MTTP: variants seen among roughly 807,000 people sequenced by gnomAD.
MTTP encodes microsomal triglyceride transfer protein large subunit.
A neutral mutation model predicts 90.6 loss-of-function variants in MTTP; 49 were observed. The ratio of observed to expected loss-of-function variants is 0.54; its 90% CI spans 0.43 to 0.69. The LOEUF (loss-of-function observed/expected upper bound fraction) is 0.69, where lower values mean the gene tolerates loss of function less well. Among genes scored for constraint, MTTP ranks in the 30% least tolerant of loss-of-function variants. The pLI is 0.00. For missense variants in MTTP, 945 were observed against 1,067.5 expected (o/e 0.89, Z 1.60); for synonymous variants, 347 against 384.2 (o/e 0.90, Z 1.13).
At chr4:99,577,041 C>G (rs1392967871) in intron 1 of MTTP, among the ~76,000 whole-genome samples, 4 of 152,152 alleles carry the variant, frequency 2.6e-5, no homozygotes, top group African/African-American at 9.7e-5. Context: ...ATGCTGATAT[C>G]ATAAATTAAA....
rs991865430 is a variant in MTTP at position 99,623,353 on chromosome 4, C to A, written c.*505C>A. 1.2e-5 allele frequency: 2 copies of A among 161,854 alleles called. No individual in the cohort carries two copies. Among genetic ancestry groups the A allele is most frequent in the African/African-American group, 2.4e-5 (1 of 41,100 alleles). 10.0% of individuals were successfully genotyped at this position (161,854 alleles called of 1,614,324 possible). On this transcript the variant is annotated 3_prime_UTR_variant, in exon 18 of 18. Transcript: ENST00000265517. ...TTCTCTTTTTTTGGAGTTGGGGGCC[C>A]AGGGAGAAGGGACAAGACTTTTAAA... is the stretch of plus-strand genomic sequence containing the variant.
chr4:99,591,204 C>A (rs767074499), intron 4 of MTTP, 31 bp from the exon 5 acceptor site: 18 of 1,493,068 alleles, frequency 1.2e-5, no homozygotes, highest in Admixed American at 5.0e-5. Flanking sequence ...ACAAGGAATC[C>A]CAAGCATTAT....
chr4:99,606,991 A>G, intron 11 of MTTP, 31 bp downstream of exon 11: 2 of 1,571,144 alleles, frequency 1.3e-6, no homozygotes, highest in Non-Finnish European at 1.7e-6. Context: ...TGCAACATTT[A>G]CAGAAGAAAA....
At chr4:99,603,755 G>A (rs890391691) in intron 10 of MTTP, among the ~76,000 whole-genome samples, 1 of 152,074 alleles carries the variant, frequency 6.6e-6, no homozygotes, top group African/African-American at 2.4e-5. Context: ...TGTCCAACAG[G>A]CAGGTGTCCA....
intron 15 of MTTP, among the ~76,000 whole-genome samples, chr4:99,615,322 T>A (rs1485232526): frequency 1.3e-5 from 2 of 152,242 alleles, no homozygotes; most frequent in Admixed American, 6.5e-5. Context: ...TAAAATTTTA[T>A]GTACAAGAAT....
At chr4:99,589,777 A>G in intron 4 of MTTP, 27 bp downstream of exon 4, 2 of 1,350,952 alleles carry the variant, frequency 1.5e-6, no homozygotes, top group Non-Finnish European at 2.1e-6. Context: ...ATAAGGATTC[A>G]GCATCTCAAT....
intron 3 of MTTP, among the ~76,000 whole-genome samples, chr4:99,589,193 G>C (rs1253049193): frequency 6.7e-6 from 1 of 149,274 alleles, no homozygotes; most frequent in African/African-American, 2.5e-5. Flanking sequence ...CATAAAGGCT[G>C]TGCCATCTCA....
chr4:99,591,846 C>T, intron 6 of MTTP, 56 bp downstream of exon 6: 1 of 1,437,376 alleles, frequency 7.0e-7, no homozygotes, highest in Non-Finnish European at 9.6e-7. Flanking sequence ...TATTATTATA[C>T]TTGATTTGTA....
intron 1 of MTTP, among the ~76,000 whole-genome samples, chr4:99,576,694 C>CA (rs10630406): frequency 0.59 from 40,764 of 69,490 alleles, 11,832 homozygotes; most frequent in African/African-American, 0.66. Context: ...GACTCCGTCT[C>CA]AAAAAAAAAA....
At position 99,597,742 on chromosome 4, in the gene MTTP, CAT is replaced by C. The variant is rs1250083927; in HGVS notation, c.1067+521_1067+522del. ...GAAAAGAATCTGGAGAAAATAAATC[CAT>C]ATGTTACTTAATATTTGGTGAAACT... On this transcript the variant is annotated intron_variant, in intron 8 of 17. Coordinates refer to ENST00000265517, the MANE Select transcript of MTTP (RefSeq NM_001386140.1). 9.9e-5 allele frequency among the ~76,000 whole-genome samples: 15 copies of C among 152,200 alleles called. No individual in the cohort carries two copies. The South Asian group carries it at 2.9e-3, about 30-fold the overall frequency.
At chr4:99,608,182 C>T (rs1466258500) in intron 11 of MTTP, among the ~76,000 whole-genome samples, 1 of 152,184 alleles carries the variant, frequency 6.6e-6, no homozygotes, top group Non-Finnish European at 1.5e-5. Flanking sequence ...CATGGTGGCT[C>T]ACGCCTGTAA....
chr4:99,586,338 A>G (rs922364701), intron 3 of MTTP, among the ~76,000 whole-genome samples: 29 of 152,164 alleles, frequency 1.9e-4, no homozygotes, highest in African/African-American at 7.0e-4. Context: ...GCCTCAAGTT[A>G]TACCATGGAT....
chr4:99,568,951 A>G (rs561812175), intron 1 of MTTP, among the ~76,000 whole-genome samples: 1 of 151,662 alleles, frequency 6.6e-6, no homozygotes, highest in South Asian at 2.1e-4. Context: ...TTACGTAGCT[A>G]CTCCACCCTC....
intron 15 of MTTP, among the ~76,000 whole-genome samples, chr4:99,616,338 T>C (rs1239643900): frequency 6.6e-6 from 1 of 152,172 alleles, no homozygotes; most frequent in Non-Finnish European, 1.5e-5. Context: ...AGGTTGAGGC[T>C]GGTGTGACCC....
Position 99,623,281 on chromosome 4 carries a change from A to AG in MTTP, c.*435dup, listed in dbSNP as rs1443523563. ...GGAAAACCAAACACGTTCCCTAATC[A>AG]GGAAAAAAAAAAAAAAAAAAAGTAA... On this transcript the variant is annotated 3_prime_UTR_variant, in exon 18 of 18. Coordinates refer to ENST00000265517, the MANE Select transcript of MTTP (RefSeq NM_001386140.1). 1.4e-5 allele frequency: 2 copies of AG among 147,042 alleles called. No individual in the cohort carries two copies. Among genetic ancestry groups the AG allele is most frequent in the African/African-American group, 5.1e-5 (2 of 39,298 alleles). The allele number at this position is 147,042 out of a possible 1,614,324, so 9.1% of individuals were successfully genotyped here.
At chr4:99,591,022 G>A (rs1326571240) in intron 4 of MTTP, among the ~76,000 whole-genome samples, 2 of 152,092 alleles carry the variant, frequency 1.3e-5, no homozygotes, top group Non-Finnish European at 2.9e-5. Context: ...GAAAAAAAAT[G>A]AGAAGGCGCT....
At chr4:99,580,344 G>A (rs1437223876) in intron 1 of MTTP, among the ~76,000 whole-genome samples, 1 of 151,466 alleles carries the variant, frequency 6.6e-6, no homozygotes, top group East Asian at 2.0e-4. Flanking sequence ...GGAGGCCGAG[G>A]TGGGTGGATT....
At chr4:99,608,382 T>C (rs1437733125) in intron 11 of MTTP, among the ~76,000 whole-genome samples, 3 of 152,080 alleles carry the variant, frequency 2.0e-5, no homozygotes, top group Non-Finnish European at 4.4e-5. Flanking sequence ...GAAGCGGAGG[T>C]TGCAGTGAGC....
At chr4:99,591,115 TGG>T in intron 4 of MTTP, 118 bp from the exon 5 acceptor site, 1 of 758,554 alleles carries the variant, frequency 1.3e-6, no homozygotes. Context: ...CTTATCATCC[TGG>T]GGGAGAAAAA....
Sources: gnomAD v4.1 joint callset for allele counts (sites outside exome capture counted in the v4.1 genomes callset) on GRCh38, gnomAD v4.1.1 for gene constraint, MANE v1.5 for transcripts, NCBI Gene and HGNC (gene_info 2026-07-23, HGNC 2026-07-21) for gene names.